The following PTPRK variants were observed in gnomAD, a reference collection of about 807,000 sequenced individuals.
The protein encoded by PTPRK is receptor-type tyrosine-protein phosphatase kappa.
In PTPRK, 75 loss-of-function variants were observed where a neutral mutation model predicts 178.0. That is an observed-to-expected ratio of 0.42 (90% CI 0.35 to 0.51). The LOEUF (loss-of-function observed/expected upper bound fraction) is 0.51, where lower values mean the gene tolerates loss of function less well. Among genes scored for constraint, PTPRK ranks in the 20% least tolerant of loss-of-function variants. PTPRK has a pLI of 0.02. For missense variants in PTPRK, 1,441 were observed against 1,797.8 expected, an observed-to-expected ratio of 0.80 and a Z score of 3.59; for synonymous variants, 637 against 620.6, an observed-to-expected ratio of 1.03 and a Z score of -0.39.
chr6:128,439,252 G>A (rs1457707960), intron 1 of PTPRK, among the ~76,000 whole-genome samples: 1 of 152,162 alleles, frequency 6.6e-6, no homozygotes, highest in Non-Finnish European at 1.5e-5. Context: ...GGTGGGGTGG[G>A]GGGCTATGAA....
intron 16 of PTPRK, among the ~76,000 whole-genome samples, chr6:127,997,439 C>A (rs543445827): frequency 6.6e-6 from 1 of 152,054 alleles, no homozygotes. Context: ...TGCAATACAT[C>A]GCATCTGAGT....
At chr6:128,231,085 T>C (rs1468050996) in intron 5 of PTPRK, among the ~76,000 whole-genome samples, 1 of 152,226 alleles carries the variant, frequency 6.6e-6, no homozygotes, top group South Asian at 2.1e-4. Context: ...AAAGTAAATA[T>C]GATTAAACTT....
chr6:128,360,625 G>T (rs1834605198), intron 2 of PTPRK, among the ~76,000 whole-genome samples: 2 of 152,062 alleles, frequency 1.3e-5, no homozygotes, highest in Admixed American at 1.3e-4. Flanking sequence ...TTCCATAGCA[G>T]AATTCCTAGA....
chr6:128,455,170 T>C (rs1231475286), intron 1 of PTPRK, among the ~76,000 whole-genome samples: 1 of 152,154 alleles, frequency 6.6e-6, no homozygotes, highest in Non-Finnish European at 1.5e-5. Context: ...TGATTCAGAC[T>C]TTCAGTTAAT....
Position 128,012,992 on chromosome 6 carries a change from G to A in PTPRK, c.2195-3724C>T, listed in dbSNP as rs574826536. Among the ~76,000 whole-genome samples, 19 of 148,904 alleles carry A rather than the reference G, an allele frequency of 1.3e-4. No individual in the cohort carries two copies. The East Asian group carries it at 3.1e-3, about 25-fold the overall frequency. On this transcript the variant is annotated intron_variant, in intron 13 of 29. Transcript: ENST00000368226. Reference sequence around the variant, plus strand: ...CCCAATCATTCTTTAAAATCCTACCGGCAGGCTTATGTCCCCCATCCACAC... The same window carrying A: ...CCCAATCATTCTTTAAAATCCTACCAGCAGGCTTATGTCCCCCATCCACAC...
At chr6:128,494,363 A>G (rs1049608082) in intron 1 of PTPRK, among the ~76,000 whole-genome samples, 4 of 152,214 alleles carry the variant, frequency 2.6e-5, no homozygotes, top group African/African-American at 9.6e-5. Flanking sequence ...AATAAGCTAC[A>G]TTATAGTAAA....
At chr6:128,209,428 A>C (rs572830372) in intron 6 of PTPRK, among the ~76,000 whole-genome samples, 5 of 152,180 alleles carry the variant, frequency 3.3e-5, no homozygotes, top group African/African-American at 1.2e-4. Flanking sequence ...TCTACCCAGA[A>C]TGCCCTTTAC....
At chr6:128,080,232 G>C (rs112168509) in intron 10 of PTPRK, among the ~76,000 whole-genome samples, 1 of 151,972 alleles carries the variant, frequency 6.6e-6, no homozygotes, top group Non-Finnish European at 1.5e-5. Flanking sequence ...GCTATAAGCC[G>C]TTGGCTGTGC....
At chr6:128,006,020 A>G in intron 14 of PTPRK, 1 of 1,556,494 alleles carries the variant, frequency 6.4e-7, no homozygotes, top group Non-Finnish European at 8.8e-7. Context: ...CCCATTTTCT[A>G]CTTACAGGTA....
rs554983866 is a variant in PTPRK at position 128,393,225 on chromosome 6, G to C, written c.223+4341C>G. On this transcript the variant is annotated intron_variant, in intron 2 of 29. Coordinates refer to ENST00000368226, the MANE Select transcript of PTPRK (RefSeq NM_002844.4). ...CCTTCCTCAGCCTCCTGAGTAGCTGGGATTACAGGCAGCTGCCACCATGCC... is the reference window on the plus strand; with the variant it reads ...CCTTCCTCAGCCTCCTGAGTAGCTGCGATTACAGGCAGCTGCCACCATGCC... Among the ~76,000 whole-genome samples, 240 of 151,696 alleles carry C rather than the reference G, an allele frequency of 1.6e-3. 2 individuals carry two copies. Among genetic ancestry groups the C allele is most frequent in the African/African-American group, 5.7e-3 (235 of 41,366 alleles).
At chr6:128,082,686 A>T (rs764818013) in intron 9 of PTPRK, 48 bp from the exon 10 acceptor site, 1 of 1,383,212 alleles carries the variant, frequency 7.2e-7, no homozygotes, top group East Asian at 2.4e-5. Context: ...CATCATAAGA[A>T]ACTGTAAATA....
At chr6:128,348,309 T>C (rs1328700569) in intron 2 of PTPRK, among the ~76,000 whole-genome samples, 1 of 152,014 alleles carries the variant, frequency 6.6e-6, no homozygotes, top group East Asian at 1.9e-4. Flanking sequence ...GAAGCTATTT[T>C]AGTCAAATCC....
chr6:128,230,004 T>C (rs1401156066), intron 5 of PTPRK, among the ~76,000 whole-genome samples: 9 of 152,266 alleles, frequency 5.9e-5, no homozygotes, highest in Non-Finnish European at 1.0e-4. Context: ...TATCACAGTT[T>C]TCTACCCCCA....
intron 10 of PTPRK, among the ~76,000 whole-genome samples, chr6:128,081,235 T>C (rs1784764677): frequency 6.6e-6 from 1 of 152,074 alleles, no homozygotes; most frequent in Admixed American, 6.6e-5. Flanking sequence ...ATATTTTAAA[T>C]TCATGATTTG....
At chr6:128,453,949 T>C (rs1402739787) in intron 1 of PTPRK, among the ~76,000 whole-genome samples, 1 of 152,150 alleles carries the variant, frequency 6.6e-6, no homozygotes. Flanking sequence ...AGTTCTTCTA[T>C]AGAAGTTAAT....
intron 7 of PTPRK, among the ~76,000 whole-genome samples, chr6:128,165,198 C>G (rs767417916): frequency 2.0e-5 from 3 of 150,626 alleles, no homozygotes; most frequent in Non-Finnish European, 4.5e-5. Flanking sequence ...GAAAGTTTTC[C>G]CTAATCAACA....
At position 128,430,694 on chromosome 6, in the gene PTPRK, T is replaced by G. The variant is rs900627132; in HGVS notation, c.101-33006A>C. ...AAAAGGGTGACTTTAAGGTTTGACG[T>G]TGAAATATAAGCAGGAATTGGTCAT... On this transcript the variant is annotated intron_variant, in intron 1 of 29. Transcript: ENST00000368226. Among the ~76,000 whole-genome samples the G allele has an allele frequency of 1.3e-5, 2 of 152,060 alleles. 1 individual carries two copies.
At chr6:128,489,545 C>G (rs1254652981) in intron 1 of PTPRK, among the ~76,000 whole-genome samples, 10 of 152,140 alleles carry the variant, frequency 6.6e-5, no homozygotes, top group Admixed American at 6.5e-4. Flanking sequence ...TGTCATATAA[C>G]TCTCTTAGTC....
intron 7 of PTPRK, among the ~76,000 whole-genome samples, chr6:128,172,846 G>T (rs7767531): frequency 0.52 from 78,850 of 151,370 alleles, 24,075 homozygotes; most frequent in Non-Finnish European, 0.67. Context: ...TCACACACAC[G>T]AACTATAGGT....
Sources: gnomAD v4.1 joint callset for allele counts (sites outside exome capture counted in the v4.1 genomes callset) on GRCh38, gnomAD v4.1.1 for gene constraint, MANE v1.5 for transcripts, NCBI Gene and HGNC (gene_info 2026-07-23, HGNC 2026-07-21) for gene names.